The following HLF variants were observed in gnomAD, a reference collection of about 807,000 sequenced individuals.
HLF encodes the protein HLF transcription factor, PAR bZIP family member, also known as hepatic leukemia factor.
A neutral mutation model predicts 22.6 loss-of-function variants in HLF; 3 were observed. The ratio of observed to expected loss-of-function variants is 0.13; its 90% CI spans 0.06 to 0.34. The LOEUF (loss-of-function observed/expected upper bound fraction) is 0.34. Among genes scored for constraint, HLF ranks in the 10% least tolerant of loss-of-function variants. The pLI, the probability that HLF is intolerant of heterozygous loss-of-function variation, is 1.00. For missense variants in HLF, 299 were observed against 389.2 expected (o/e 0.77, Z 1.95); for synonymous variants, 151 against 151.8 (o/e 0.99, Z 0.04).
rs1478837227 is a variant in HLF at position 55,323,961 on chromosome 17, T to C, written c.*3082T>C. On this transcript the variant is annotated 3_prime_UTR_variant, in exon 4 of 4. Coordinates refer to ENST00000226067, the MANE Select transcript of HLF (RefSeq NM_002126.5). Reference sequence around the variant, plus strand: ...CTCCTGATGAGGTCACATTGTTGTTTCTTTTAACTAGACTTGGCAAAGAAA... The same window carrying C: ...CTCCTGATGAGGTCACATTGTTGTTCCTTTTAACTAGACTTGGCAAAGAAA... 1 of 229,000 alleles carries C rather than the reference T, an allele frequency of 4.4e-6. No individual in the cohort carries two copies. The highest frequency in any genetic ancestry group is 5.7e-5 in the Admixed American group (1 of 17,630). The allele number at this position is 229,000 out of a possible 1,614,324, so 14.2% of individuals were successfully genotyped here. A position where few individuals can be genotyped will look rare whatever the true frequency, so the allele number is the denominator to read the frequency against.
At chr17:55,270,964 G>A (rs1042077789) in intron 2 of HLF, among the ~76,000 whole-genome samples, 4 of 152,094 alleles carry the variant, frequency 2.6e-5, no homozygotes, top group African/African-American at 7.2e-5. Flanking sequence ...TGTGTCTTAC[G>A]CTTTATAGGA....
At chr17:55,288,799 G>T in intron 2 of HLF, 1 of 329,814 alleles carries the variant, frequency 3.0e-6, no homozygotes, top group Non-Finnish European at 4.3e-6. Context: ...CAAGAATGAA[G>T]AGTGTTTTCA....
chr17:55,278,766 A>T (rs1259161903), intron 2 of HLF, among the ~76,000 whole-genome samples: 2 of 152,214 alleles, frequency 1.3e-5, no homozygotes, highest in Admixed American at 6.5e-5. Context: ...AGTCATTATG[A>T]TGTGGGCTGA....
rs2080874022 is a variant in HLF at position 55,273,213 on chromosome 17, C to G, written c.451+5127C>G. The G allele has an allele frequency of 2.0e-5, 3 of 152,200 alleles. No homozygotes were observed. The South Asian group carries it at 6.2e-4, about 32-fold the overall frequency. 9.4% of individuals were successfully genotyped at this position (152,200 alleles called of 1,614,324 possible). A position where few individuals can be genotyped will look rare whatever the true frequency, so the allele number is the denominator to read the frequency against. On this transcript the variant is annotated intron_variant, in intron 2 of 3. Coordinates refer to ENST00000226067, the MANE Select transcript of HLF (RefSeq NM_002126.5). The stretch of plus-strand genomic sequence containing the variant: ...GTGTAACTTTGTGTCAATTTCTTAA[C>G]CCTTTAAGCCTCAGTTTACTCGTCA...
At chr17:55,282,326 C>A (rs1157007128) in intron 2 of HLF, among the ~76,000 whole-genome samples, 1 of 152,176 alleles carries the variant, frequency 6.6e-6, no homozygotes, top group Admixed American at 6.5e-5. Context: ...CACAAGAGAT[C>A]TAATCTGTAG....
At chr17:55,278,335 T>G (rs980598288) in intron 2 of HLF, among the ~76,000 whole-genome samples, 5 of 152,210 alleles carry the variant, frequency 3.3e-5, no homozygotes. Context: ...TGGCAGAAAT[T>G]CCTTGAGTGG....
At chr17:55,315,034 ATGTGACG>A (rs1333347994) in intron 2 of HLF, among the ~76,000 whole-genome samples, 186 bp from the exon 3 acceptor site, 3 of 152,224 alleles carry the variant, frequency 2.0e-5, no homozygotes, top group Admixed American at 6.5e-5. Flanking sequence ...GTTTTGCCTG[ATGTGACG>A]TGAGTCAAGT....
At chr17:55,295,275 A>G (rs567430098) in intron 2 of HLF, among the ~76,000 whole-genome samples, 17 of 152,352 alleles carry the variant, frequency 1.1e-4, no homozygotes, top group African/African-American at 4.1e-4. Context: ...AGGATACAAT[A>G]TAAGTGACTT....
rs1030561054 is a variant in HLF, at chr17:55,324,793, G to A, written c.*3914G>A. ...TTTGCAGGAGGCTAAGTGTAAGAGT[G>A]TGTGTGTGTGTGTGTGCGTGCATGT... On this transcript the variant is annotated 3_prime_UTR_variant, in exon 4 of 4. Transcript: ENST00000226067. 2 of 222,870 alleles carry A rather than the reference G, an allele frequency of 9.0e-6. No homozygotes were observed. Among genetic ancestry groups the A allele is most frequent in the Non-Finnish European group, 9.0e-6 (1 of 111,672 alleles). The allele number at this position is 222,870 out of a possible 1,614,324, so 13.8% of individuals were successfully genotyped here.
chr17:55,312,345 T>G (rs375006365), intron 2 of HLF, among the ~76,000 whole-genome samples: 6 of 152,198 alleles, frequency 3.9e-5, no homozygotes, highest in African/African-American at 1.4e-4. Context: ...CTTGACTTTT[T>G]AATAGCCATT....
chr17:55,309,490 C>G (rs1904732282), intron 2 of HLF, among the ~76,000 whole-genome samples: 1 of 152,060 alleles, frequency 6.6e-6, no homozygotes, highest in Admixed American at 6.5e-5. Context: ...GGTAAAAGCA[C>G]TATTTCAGAT....
chr17:55,301,756 G>A (rs2081158983), intron 2 of HLF, among the ~76,000 whole-genome samples: 1 of 152,208 alleles, frequency 6.6e-6, no homozygotes, highest in South Asian at 2.1e-4. Flanking sequence ...TCATGGTGGC[G>A]ATACTCTAGG....
chr17:55,277,692 C>T (rs2080918400), intron 2 of HLF, among the ~76,000 whole-genome samples: 1 of 152,080 alleles, frequency 6.6e-6, no homozygotes, highest in African/African-American at 2.4e-5. Context: ...CTGAAGTGTG[C>T]TCTGATATCA....
intron 2 of HLF, among the ~76,000 whole-genome samples, chr17:55,295,837 A>G (rs750756352): frequency 6.6e-6 from 1 of 152,214 alleles, no homozygotes; most frequent in Non-Finnish European, 1.5e-5. Flanking sequence ...AAAAGACAAC[A>G]GGGAAATAGC....
intron 3 of HLF, among the ~76,000 whole-genome samples, chr17:55,317,008 C>T (rs1238776071): frequency 7.6e-6 from 1 of 131,056 alleles, no homozygotes; most frequent in Non-Finnish European, 1.5e-5. Flanking sequence ...CACTCTGTTG[C>T]CCAGGCTGGA....
intron 2 of HLF, among the ~76,000 whole-genome samples, chr17:55,303,263 C>T (rs560176366): frequency 6.6e-6 from 1 of 152,336 alleles, no homozygotes; most frequent in South Asian, 2.1e-4. Flanking sequence ...ATCACCATGG[C>T]AGCCCTGGGA....
rs1905282021 is a variant in HLF at position 55,322,135 on chromosome 17, C to T, written c.*1256C>T. On this transcript the variant is annotated 3_prime_UTR_variant, in exon 4 of 4. Coordinates refer to ENST00000226067, the MANE Select transcript of HLF (RefSeq NM_002126.5). ...GCTTATGTTTCTTATTCTCTGTTTG[C>T]TTTTGAACGTATGTGCTCTTATAAA... 4.9e-6 allele frequency: 1 copy of T among 204,236 alleles called. No homozygotes were observed. The highest frequency in any genetic ancestry group is 6.0e-5 in the Admixed American group (1 of 16,768). The allele number at this position is 204,236 out of a possible 1,614,324, so 12.7% of individuals were successfully genotyped here. A position where few individuals can be genotyped will look rare whatever the true frequency, so the allele number is the denominator to read the frequency against.
At chr17:55,266,899 C>T in intron 1 of HLF, 3 of 637,766 alleles carry the variant, frequency 4.7e-6, no homozygotes, top group Non-Finnish European at 5.9e-6. Flanking sequence ...TATAGAATAA[C>T]TCACCTTTTC....
chr17:55,304,033 G>A (rs1904424317), intron 2 of HLF, among the ~76,000 whole-genome samples: 1 of 152,008 alleles, frequency 6.6e-6, no homozygotes, highest in South Asian at 2.1e-4. Flanking sequence ...ATATGAGTGT[G>A]GGAAAGGGGA....
Sources: allele counts gnomAD v4.1 joint callset (sites outside exome capture counted in the v4.1 genomes callset), GRCh38; gene constraint gnomAD v4.1.1; transcripts MANE v1.5; gene names NCBI Gene and HGNC (gene_info 2026-07-23, HGNC 2026-07-21).